Variants in UBAP2 observed in about 807,000 individuals in gnomAD.
UBAP2 encodes the protein ubiquitin associated protein 2, also known as ubiquitin-associated protein 2.
Under a neutral mutation model 139.6 loss-of-function variants are expected in UBAP2, and 75 were observed. The ratio of observed to expected loss-of-function variants is 0.54; its 90% CI spans 0.45 to 0.65. The LOEUF (loss-of-function observed/expected upper bound fraction) is 0.65, where lower values mean the gene tolerates loss of function less well. Among genes scored for constraint, UBAP2 ranks in the 30% least tolerant of loss-of-function variants. The pLI is 0.00. For synonymous variants in UBAP2, 526 were observed against 526.2 expected (o/e 1.00, Z 0.01); for missense variants, 1,368 against 1,369.6 (o/e 1.00, Z 0.02).
chr9:34,021,348 T>G (rs552893241), intron 1 of UBAP2, among the ~76,000 whole-genome samples: 1 of 152,326 alleles, frequency 6.6e-6, no homozygotes, highest in South Asian at 2.1e-4. Flanking sequence ...ACAGCCTCAA[T>G]ACACTGGTTT....
chr9:33,982,882 T>TG (rs975799813), intron 6 of UBAP2, among the ~76,000 whole-genome samples: 22 of 149,240 alleles, frequency 1.5e-4, no homozygotes, highest in African/African-American at 4.7e-4. Flanking sequence ...TTTTTTTTGT[T>TG]TTTTTTTTTT....
intron 8 of UBAP2, among the ~76,000 whole-genome samples, chr9:33,967,776 A>G (rs1207300985): frequency 6.6e-6 from 1 of 152,188 alleles, no homozygotes; most frequent in Non-Finnish European, 1.5e-5. Context: ...ATTCAATATT[A>G]TATTTGTAAA....
chr9:33,969,530 CAG>C (rs1365088033), intron 8 of UBAP2, among the ~76,000 whole-genome samples: 5 of 148,510 alleles, frequency 3.4e-5, no homozygotes, highest in Admixed American at 3.4e-4. Context: ...GCCTGGACAA[CAG>C]AGTGAGATGC....
At chr9:33,930,869 C>T (rs12682708) in intron 19 of UBAP2, among the ~76,000 whole-genome samples, 3 of 140,234 alleles carry the variant, frequency 2.1e-5, no homozygotes, top group Non-Finnish European at 4.5e-5. Context: ...GCACTCCAGC[C>T]TAGGCGACAG....
chr9:33,931,529 C>T (rs1358928484), intron 19 of UBAP2, among the ~76,000 whole-genome samples: 2 of 152,176 alleles, frequency 1.3e-5, no homozygotes, highest in East Asian at 3.9e-4. Context: ...GTCAGCTCAC[C>T]ACTCCCATGA....
At chr9:34,016,187 AGG>A (rs1382072752) in intron 2 of UBAP2, among the ~76,000 whole-genome samples, 2 of 61,468 alleles carry the variant, frequency 3.3e-5, no homozygotes, top group Non-Finnish European at 9.2e-5. Context: ...GAGGAAGAGG[AGG>A]AATAGAAGGA....
At position 33,998,822 on chromosome 9, in the gene UBAP2, TATCAAA is replaced by T; in HGVS notation, c.136_141del (p.Phe46_Asp47del). The T allele has an allele frequency of 6.2e-7, 1 of 1,612,450 alleles. No individual in the cohort carries two copies. The highest frequency in any genetic ancestry group is 8.5e-7 in the Non-Finnish European group (1 of 1,179,836). On this transcript the variant is annotated inframe_deletion, in exon 3 of 29. Transcript: ENST00000379238. ...TTAGCTTCAAAATCTGAATCATTCTTATCAAAGATCACTTGAGCGAGACGCATCTGT... is the reference window on the plus strand; with the variant it reads ...TTAGCTTCAAAATCTGAATCATTCTTGATCACTTGAGCGAGACGCATCTGT...
chr9:33,932,866 T>C (rs938849733), intron 18 of UBAP2, among the ~76,000 whole-genome samples: 3 of 152,162 alleles, frequency 2.0e-5, no homozygotes, highest in African/African-American at 7.2e-5. Context: ...CGACATCCAT[T>C]TGCTCCTCAG....
Position 34,016,370 on chromosome 9 carries a change from CGGTGGTGGTGGTGGTGGTGGT to C in UBAP2, c.99+659_99+679del, listed in dbSNP as rs74180522. 1.7e-3 allele frequency among the ~76,000 whole-genome samples: 164 copies of C among 93,730 alleles called. 1 individual carries two copies. The highest frequency in any genetic ancestry group is 2.7e-3 in the Non-Finnish European group (131 of 48,894). 61.5% of individuals were successfully genotyped at this position (93,730 alleles called of 152,430 possible). A position where few individuals can be genotyped will look rare whatever the true frequency, so the allele number is the denominator to read the frequency against. On this transcript the variant is annotated intron_variant, in intron 2 of 28. Coordinates refer to ENST00000379238, the MANE Select transcript of UBAP2 (RefSeq NM_001370062.2). ...GAGGAGGCAGCAGCGGCGGCAGCGG[CGGTGGTGGTGGTGGTGGTGGT>C]GGTGGTGGTGGTGGTGGTGGTGGCA...
rs754051999 is a variant in UBAP2 at position 33,973,265 on chromosome 9, A to C, written c.521-28T>G. On this transcript the variant is annotated intron_variant, in intron 6 of 28. Coordinates refer to ENST00000379238, the MANE Select transcript of UBAP2 (RefSeq NM_001370062.2). ...TTAAAAAAACACACAATTATAGTAT[A>C]AAATAATACTTATGTCCTACACAAT... is the stretch of plus-strand genomic sequence containing the variant. The C allele has an allele frequency of 6.9e-6, 11 of 1,605,276 alleles. No homozygotes were observed. In the East Asian group the frequency reaches 2.5e-4, roughly 36 times the overall value.
intron 3 of UBAP2, chr9:33,997,643 C>T (rs1007915609): frequency 6.6e-6 from 1 of 152,156 alleles, no homozygotes; most frequent in Admixed American, 6.5e-5. Flanking sequence ...ATGCCTGCAA[C>T]ATACAATTTT....
chr9:34,015,413 G>T (rs781728470), intron 2 of UBAP2, among the ~76,000 whole-genome samples: 2 of 152,044 alleles, frequency 1.3e-5, no homozygotes, highest in Non-Finnish European at 2.9e-5. Flanking sequence ...CTGCCTCCCG[G>T]GTTCAAGCAA....
chr9:33,981,958 TTCTC>T (rs1820805613), intron 6 of UBAP2, among the ~76,000 whole-genome samples: 1 of 152,106 alleles, frequency 6.6e-6, no homozygotes, highest in African/African-American at 2.4e-5. Context: ...AATGGAAAAC[TTCTC>T]TCTGCTTTTC....
intron 1 of UBAP2, among the ~76,000 whole-genome samples, chr9:34,044,090 C>CAAA (rs74180528): frequency 3.5e-5 from 3 of 85,156 alleles, no homozygotes; most frequent in Non-Finnish European, 4.4e-5. Context: ...AACTCCACCT[C>CAAA]AAAAAAAAAA....
chr9:34,022,131 A>G (rs966126232), intron 1 of UBAP2, among the ~76,000 whole-genome samples: 3 of 151,988 alleles, frequency 2.0e-5, no homozygotes, highest in Non-Finnish European at 4.4e-5. Flanking sequence ...TGTAATCCCA[A>G]CTACTTAGGA....
chr9:33,988,035 C>T (rs369471623), intron 5 of UBAP2, among the ~76,000 whole-genome samples: 1 of 152,202 alleles, frequency 6.6e-6, no homozygotes, highest in Non-Finnish European at 1.5e-5. Flanking sequence ...GGCTGACTCA[C>T]ATGAATTCCA....
intron 11 of UBAP2, among the ~76,000 whole-genome samples, chr9:33,955,347 C>T (rs1269055069): frequency 8.6e-5 from 13 of 151,412 alleles, no homozygotes; most frequent in Non-Finnish European, 1.8e-4. Flanking sequence ...GGTGAAACCC[C>T]GTCTCCACTA....
Position 33,998,862 on chromosome 9 carries a change from T to A in UBAP2, c.102A>T (p.Ala34=), listed in dbSNP as rs1348461705. The A allele has an allele frequency of 1.9e-6, 3 of 1,609,878 alleles. No individual in the cohort carries two copies. The highest frequency in any genetic ancestry group is 2.5e-6 in the Non-Finnish European group (3 of 1,179,404). The change falls in exon 3 of 29, where the codon GCA becomes GCT. Residue 34 remains alanine, a splice_region_variant and synonymous_variant. Transcript: ENST00000379238. The part of the protein sequence containing the change: ...STQPQKQVVQ[A]TAEQMRLAQV... ...GAGCGAGACGCATCTGTTCAGCTGT[T>A]GCCTGGAAAGTACATACAATTGTTA...
At chr9:34,005,969 G>A (rs1349557126) in intron 2 of UBAP2, among the ~76,000 whole-genome samples, 1 of 152,086 alleles carries the variant, frequency 6.6e-6, no homozygotes, top group Non-Finnish European at 1.5e-5. Context: ...GGTGGCTCAT[G>A]CCTATAATCC....
Sources: allele counts gnomAD v4.1 joint callset (sites outside exome capture counted in the v4.1 genomes callset), GRCh38; gene constraint gnomAD v4.1.1; transcripts MANE v1.5; gene names NCBI Gene and HGNC (gene_info 2026-07-23, HGNC 2026-07-21).